Variants in MCM10 observed in about 807,000 individuals in gnomAD.
MCM10 encodes the protein protein MCM10 homolog.
A neutral mutation model predicts 109.9 loss-of-function variants in MCM10; 91 were observed. The observed-to-expected ratio is 0.83, with a 90% CI of 0.70 to 0.99. MCM10 has a LOEUF of 0.99. MCM10 is among the 50% of genes least tolerant of loss of function. The pLI is 0.00. For missense variants in MCM10, 1,077 were observed against 1,061.2 expected, an observed-to-expected ratio of 1.01 and a Z score of -0.21; for synonymous variants, 380 against 387.2, an observed-to-expected ratio of 0.98 and a Z score of 0.22.
rs146530791 is a variant in MCM10, at chr10:13,205,571, T to G, written c.2498+1207T>G. ...GTGGGATTGCTGGATTGAATGGTAG[T>G]TTTATTTTTAGTTCTTTGAGAAATC... is the stretch of plus-strand genomic sequence containing the variant. On this transcript the variant is annotated intron_variant, in intron 18 of 19. Coordinates refer to ENST00000378714, the MANE Select transcript of MCM10 (RefSeq NM_018518.5). Among the ~76,000 whole-genome samples, 225 of 152,264 alleles carry G rather than the reference T, an allele frequency of 1.5e-3. 1 individual carries two copies. The highest frequency in any genetic ancestry group is 5.2e-3 in the African/African-American group (215 of 41,550).
At chr10:13,165,330 A>G (rs1172696857) in intron 2 of MCM10, among the ~76,000 whole-genome samples, 1 of 152,232 alleles carries the variant, frequency 6.6e-6, no homozygotes, top group Non-Finnish European at 1.5e-5. Flanking sequence ...CACAGTGACC[A>G]TGGAAAATCA....
At chr10:13,199,022 A>G (rs1032316949) in intron 16 of MCM10, among the ~76,000 whole-genome samples, 10 of 152,134 alleles carry the variant, frequency 6.6e-5, no homozygotes, top group African/African-American at 1.7e-4. Flanking sequence ...CAGCCTCCCA[A>G]GTAGCTGGGA....
intron 9 of MCM10, among the ~76,000 whole-genome samples, chr10:13,187,349 G>A (rs1834288721): frequency 6.6e-6 from 1 of 152,118 alleles, no homozygotes; most frequent in African/African-American, 2.4e-5. Context: ...CCATTGTATG[G>A]ATATACCATA....
chr10:13,189,106 G>A, intron 10 of MCM10, 26 bp downstream of exon 10: 1 of 1,613,420 alleles, frequency 6.2e-7, no homozygotes, highest in East Asian at 2.2e-5. Flanking sequence ...GCTTCTTTTG[G>A]GCAGAGGATT....
At chr10:13,200,481 T>C (rs543775803) in intron 16 of MCM10, among the ~76,000 whole-genome samples, 1 of 152,210 alleles carries the variant, frequency 6.6e-6, no homozygotes, top group Admixed American at 6.5e-5. Flanking sequence ...TTCCTTTGAT[T>C]AACAAATAAC....
chr10:13,165,331 T>C (rs1246116804), intron 2 of MCM10, among the ~76,000 whole-genome samples: 4 of 152,200 alleles, frequency 2.6e-5, no homozygotes, highest in East Asian at 1.9e-4. Context: ...ACAGTGACCA[T>C]GGAAAATCAA....
chr10:13,210,198 G>A lies in MCM10; in HGVS notation c.*888G>A, dbSNP rs1157750258. ...GTCTCCCAAATAGCTAGGACTACAG[G>A]CGTGCGTGACCAAGCCCAGCTAATT... On this transcript the variant is annotated 3_prime_UTR_variant, in exon 20 of 20. Coordinates refer to ENST00000378714, the MANE Select transcript of MCM10 (RefSeq NM_018518.5). The A allele has an allele frequency of 1.3e-5, 2 of 151,866 alleles. No individual in the cohort carries two copies. The highest frequency in any genetic ancestry group is 2.9e-5 in the Non-Finnish European group (2 of 68,072). The allele number at this position is 151,866 out of a possible 1,614,324, so 9.4% of individuals were successfully genotyped here. A position where few individuals can be genotyped will look rare whatever the true frequency, so the allele number is the denominator to read the frequency against.
intron 2 of MCM10, among the ~76,000 whole-genome samples, chr10:13,169,544 T>C (rs538988514): frequency 6.6e-6 from 1 of 152,224 alleles, no homozygotes; most frequent in African/African-American, 2.4e-5. Flanking sequence ...AAGAAACACA[T>C]GTGCGAGAAG....
At chr10:13,164,263 C>G in intron 2 of MCM10, 54 bp downstream of exon 2, 1 of 1,532,724 alleles carries the variant, frequency 6.5e-7, no homozygotes, top group African/African-American at 1.4e-5. Flanking sequence ...AACCTTTTGT[C>G]CATGGACTTG....
intron 6 of MCM10, among the ~76,000 whole-genome samples, chr10:13,177,508 CTT>C (rs60316855): frequency 0.044 from 4,658 of 104,852 alleles, 91 homozygotes; most frequent in Admixed American, 0.067. Context: ...GATTTTGGAG[CTT>C]TTTTTTTTTT....
chr10:13,196,783 G>C (rs1291981922), intron 14 of MCM10, among the ~76,000 whole-genome samples: 2 of 152,266 alleles, frequency 1.3e-5, no homozygotes, highest in African/African-American at 4.8e-5. Flanking sequence ...AAAGTGCTGG[G>C]ATTACAGGCA....
At chr10:13,171,646 C>T (rs1013068634) in intron 3 of MCM10, among the ~76,000 whole-genome samples, 5 of 152,224 alleles carry the variant, frequency 3.3e-5, no homozygotes, top group African/African-American at 1.2e-4. Flanking sequence ...GTTCTTTTCT[C>T]ATTCCTGGCA....
intron 6 of MCM10, among the ~76,000 whole-genome samples, chr10:13,175,959 A>G (rs1834136918): frequency 6.6e-6 from 1 of 152,220 alleles, no homozygotes; most frequent in South Asian, 2.1e-4. Flanking sequence ...TTAATCAGAA[A>G]TTGACAGATG....
At chr10:13,171,350 G>A in intron 3 of MCM10, 87 bp downstream of exon 3, 1 of 1,183,308 alleles carries the variant, frequency 8.5e-7, no homozygotes, top group Middle Eastern at 2.8e-4. Context: ...AATAGCTGCT[G>A]ATTCAAGGGT....
chr10:13,193,416 G>A lies in MCM10; in HGVS notation c.1745+848G>A, dbSNP rs11258240. Reference sequence around the variant, plus strand: ...GCTGCGGTTCACAGGCACTTCATACGTACTCCATAAACACAGTATCTGAGC... The same window carrying A: ...GCTGCGGTTCACAGGCACTTCATACATACTCCATAAACACAGTATCTGAGC... On this transcript the variant is annotated intron_variant, in intron 13 of 19. Coordinates refer to ENST00000378714, the MANE Select transcript of MCM10 (RefSeq NM_018518.5). Among the ~76,000 whole-genome samples the A allele has an allele frequency of 7.8e-3, 1,175 of 151,276 alleles. 19 individuals are homozygous for A. Among genetic ancestry groups the A allele is most frequent in the African/African-American group, 0.027 (1,115 of 40,728 alleles).
At chr10:13,195,462 CAAGAG>C in intron 14 of MCM10, 193 bp downstream of exon 14, 1 of 519,858 alleles carries the variant, frequency 1.9e-6, no homozygotes, top group Non-Finnish European at 3.4e-6. Flanking sequence ...TGTCAGGCTA[CAAGAG>C]GTAGCCTAGA....
chr10:13,200,237 C>T (rs1834479450), intron 16 of MCM10, among the ~76,000 whole-genome samples: 1 of 151,988 alleles, frequency 6.6e-6, no homozygotes, highest in Non-Finnish European at 1.5e-5. Context: ...CAGTTAGATT[C>T]TAGGGTTTAA....
Position 13,186,186 on chromosome 10 carries a change from C to A in MCM10, c.1121C>A (p.Pro374His). ...SEEVCLSIDHPQKVLIMGEAL... is the reference protein window; with the variant it reads ...SEEVCLSIDHHQKVLIMGEAL... ...CAGGTGTGTTTATCTATCGATCATC[C>A]TCAGAAGGTCTTAATTATGGGTGAA... The change falls in exon 9 of 20, where the codon CCT becomes CAT. Residue 374 changes from proline (P) to histidine (H), a missense_variant. Coordinates refer to ENST00000378714, the MANE Select transcript of MCM10 (RefSeq NM_018518.5). 6.2e-7 allele frequency: 1 copy of A among 1,611,826 alleles called. No individual in the cohort carries two copies. Among genetic ancestry groups the A allele is most frequent in the South Asian group, 1.1e-5 (1 of 91,002 alleles).
chr10:13,195,377 A>G, intron 14 of MCM10, 108 bp downstream of exon 14: 1 of 830,352 alleles, frequency 1.2e-6, no homozygotes, highest in South Asian at 1.9e-5. Context: ...CATTAGAGTC[A>G]GTGTAATTTG....
Sources: allele counts gnomAD v4.1 joint callset (sites outside exome capture counted in the v4.1 genomes callset), GRCh38; gene constraint gnomAD v4.1.1; transcripts MANE v1.5; gene names NCBI Gene and HGNC (gene_info 2026-07-23, HGNC 2026-07-21).